Variants in DOP1B observed in about 807,000 individuals in gnomAD.
DOP1B encodes the protein DOP1 leucine zipper like protein B.
DOP1B carries 174 observed loss-of-function variants against 233.5 expected under a neutral mutation model. That is an observed-to-expected ratio of 0.75 (90% CI 0.66 to 0.85). DOP1B has a LOEUF of 0.85. Among genes scored for constraint, DOP1B ranks in the 40% least tolerant of loss-of-function variants. The pLI, the probability that DOP1B is intolerant of heterozygous loss-of-function variation, is 0.00. For synonymous variants in DOP1B, 1,190 were observed against 1,185.6 expected (o/e 1.00, Z -0.08); for missense variants, 2,652 against 2,846.6 (o/e 0.93, Z 1.56).
Position 36,246,375 on chromosome 21 carries a change from G to T in DOP1B, c.4395G>T (p.Gln1465His), listed in dbSNP as rs1228572965. The T allele has an allele frequency of 6.2e-7, 1 of 1,613,360 alleles. No individual in the cohort carries two copies. The highest frequency in any genetic ancestry group is 8.5e-7 in the Non-Finnish European group (1 of 1,179,870). The change falls in exon 19 of 37, where the codon CAG becomes CAT. Residue 1465 changes from glutamine (Q) to histidine (H), a missense_variant. Coordinates refer to ENST00000691173, the MANE Select transcript of DOP1B (RefSeq NM_001320714.2). The surrounding 1 kb of genome is among the most constrained non-coding windows in gnomAD (Gnocchi z 5.1). ...GGGCCCATGAGGAGGCGGAAAACCA[G>T]CCCGACCTGTCCCGGGAGTGGCAGA... is the stretch of plus-strand genomic sequence containing the variant. Reference protein sequence around the residue: ...LGRAHEEAENQPDLSREWQRA... With the variant: ...LGRAHEEAENHPDLSREWQRA...
intron 9 of DOP1B, among the ~76,000 whole-genome samples, chr21:36,218,011 T>G (rs2066581192): frequency 6.6e-6 from 1 of 152,184 alleles, no homozygotes; most frequent in African/African-American, 2.4e-5. Context: ...AACAGTCACT[T>G]AATTTACTCT....
chr21:36,241,685 C>T (rs1218716979), intron 18 of DOP1B, among the ~76,000 whole-genome samples: 66 of 104,734 alleles, frequency 6.3e-4, no homozygotes, highest in Admixed American at 3.3e-3. Flanking sequence ...ATTTTTTTTT[C>T]TTTCTTTCTT....
chr21:36,259,920 A>G (rs1601459200), intron 23 of DOP1B, among the ~76,000 whole-genome samples: 1 of 152,166 alleles, frequency 6.6e-6, no homozygotes, highest in African/African-American at 2.4e-5. Context: ...GGGGTAAAAT[A>G]TGTGTTTTAG....
intron 2 of DOP1B, among the ~76,000 whole-genome samples, chr21:36,170,938 T>C (rs990395477): frequency 2.2e-4 from 34 of 152,190 alleles, no homozygotes; most frequent in African/African-American, 8.2e-4. Flanking sequence ...CCTTGAAGAA[T>C]TTGCAAGATA....
In DOP1B at chr21:36,230,127, C is replaced by A. The variant is rs77265486; in HGVS notation, c.1666-323C>A. Among the ~76,000 whole-genome samples the A allele has an allele frequency of 6.2e-3, 945 of 152,198 alleles. 7 individuals carry two copies. Among genetic ancestry groups the A allele is most frequent in the African/African-American group, 0.021 (885 of 41,520 alleles). On this transcript the variant is annotated intron_variant, in intron 13 of 36. Transcript: ENST00000691173. ...CTGGGATTACAGGCTTGAGCCACCA[C>A]GCCTGGCAGAAACAATTCTTAAACA...
intron 2 of DOP1B, among the ~76,000 whole-genome samples, chr21:36,194,638 C>T (rs570197354): frequency 2.0e-5 from 3 of 152,030 alleles, no homozygotes; most frequent in Non-Finnish European, 4.4e-5. Flanking sequence ...AGGCGTGTGC[C>T]ACCACGCCTG....
chr21:36,189,771 G>A (rs2066209920), intron 2 of DOP1B, among the ~76,000 whole-genome samples: 1 of 152,084 alleles, frequency 6.6e-6, no homozygotes, highest in African/African-American at 2.4e-5. Context: ...AGCACTTTGG[G>A]AGGCTGAGAC....
Position 36,277,048 on chromosome 21 carries a change from C to A in DOP1B, c.5660C>A (p.Ser1887Tyr), listed in dbSNP as rs775534931. ...YDAAAASAMV[S>Y]SSAPSVYSVQ... ...GCTGCTGCAGCTTCAGCAATGGTGTCTTCATCCGCCCCGTCGGTGTACAGC... is the reference window on the plus strand; with the variant it reads ...GCTGCTGCAGCTTCAGCAATGGTGTATTCATCCGCCCCGTCGGTGTACAGC... Residue 1887 changes from serine (S) to tyrosine (Y), a missense_variant, in exon 28 of 37, where the codon TCT becomes TAT. Ser to Tyr is a moderately radical substitution (Grantham distance 144). Coordinates refer to ENST00000691173, the MANE Select transcript of DOP1B (RefSeq NM_001320714.2). 9.3e-6 allele frequency: 15 copies of A among 1,614,138 alleles called. No individual in the cohort carries two copies. Among genetic ancestry groups the A allele is most frequent in the Non-Finnish European group, 1.3e-5 (15 of 1,180,018 alleles).
intron 36 of DOP1B, among the ~76,000 whole-genome samples, chr21:36,292,655 A>C (rs1184437652): frequency 7.1e-6 from 1 of 141,016 alleles, no homozygotes; most frequent in Non-Finnish European, 1.5e-5. Flanking sequence ...TCTGTTGCCC[A>C]GACTGGAGTG....
At chr21:36,283,960 T>TTTTTTC (rs2067449671) in intron 32 of DOP1B, among the ~76,000 whole-genome samples, 2 of 141,238 alleles carry the variant, frequency 1.4e-5, no homozygotes, top group African/African-American at 5.3e-5. Context: ...TTTTTTTTTT[T>TTTTTTC]CCTTTGAGAT....
intron 32 of DOP1B, among the ~76,000 whole-genome samples, chr21:36,282,828 A>T (rs7282973): frequency 0.64 from 96,837 of 151,548 alleles, 31,403 homozygotes; most frequent in African/African-American, 0.75. Flanking sequence ...ATACAAAAAT[A>T]AGCCTGGTGT....
intron 26 of DOP1B, among the ~76,000 whole-genome samples, chr21:36,267,323 G>A (rs939433190): frequency 1.3e-5 from 2 of 152,164 alleles, no homozygotes; most frequent in African/African-American, 2.4e-5. Flanking sequence ...GGAAGAACCC[G>A]TGGTCCTAGA....
chr21:36,292,085 T>G lies in DOP1B; in HGVS notation c.6516-19T>G. On this transcript the variant is annotated intron_variant, in intron 35 of 36. Coordinates refer to ENST00000691173, the MANE Select transcript of DOP1B (RefSeq NM_001320714.2). ...AGGCCTCTTACCAGCAGACCTGACC[T>G]TCTGTTTGTTCCCTGCAGTTATAGG... 1 of 1,581,624 alleles carries G rather than the reference T, an allele frequency of 6.3e-7. No individual in the cohort carries two copies. Among genetic ancestry groups the G allele is most frequent in the Non-Finnish European group, 8.5e-7 (1 of 1,170,088 alleles).
At chr21:36,283,151 G>A (rs13050481) in intron 32 of DOP1B, among the ~76,000 whole-genome samples, 19 of 151,382 alleles carry the variant, frequency 1.3e-4, no homozygotes, top group Admixed American at 4.0e-4. Context: ...GCGCAGTCTC[G>A]CCTCATTGAA....
intron 12 of DOP1B, among the ~76,000 whole-genome samples, chr21:36,227,297 C>T (rs942647069): frequency 6.6e-6 from 1 of 151,698 alleles, no homozygotes; most frequent in South Asian, 2.1e-4. Context: ...CCTGTAATTC[C>T]AGCACTTTGG....
intron 9 of DOP1B, 73 bp downstream of exon 9, chr21:36,214,629 G>A (rs2066539804): frequency 4.7e-6 from 6 of 1,268,566 alleles, no homozygotes; most frequent in Middle Eastern, 1.8e-4. Flanking sequence ...ACAACATGGT[G>A]AGATACAACC....
chr21:36,251,496 T>G (rs1389279949), intron 22 of DOP1B, among the ~76,000 whole-genome samples: 1 of 152,222 alleles, frequency 6.6e-6, no homozygotes, highest in African/African-American at 2.4e-5. Flanking sequence ...CTTGGCTCAC[T>G]GCACCCTCCA....
In DOP1B at chr21:36,245,131, G is replaced by A. The variant is rs1316418324; in HGVS notation, c.3151G>A (p.Glu1051Lys). ...AVPEPQESGSEEHLPLSQFTT... is the reference protein window; with the variant it reads ...AVPEPQESGSKEHLPLSQFTT... ...GCCCGAGCCTCAGGAGAGCGGCTCT[G>A]AAGAGCACCTGCCTCTGAGCCAGTT... Residue 1051 changes from glutamate (E) to lysine (K), a missense_variant, in exon 19 of 37, where the codon GAA becomes AAA. Glu to Lys is a moderately conservative substitution (Grantham distance 56). This residue lies in a region of DOP1B where 2,617 missense variants were observed against 2,794.3 expected (regional missense o/e 0.94). Coordinates refer to ENST00000691173, the MANE Select transcript of DOP1B (RefSeq NM_001320714.2). This position sits in a 1 kb window ranked among gnomAD's most constrained non-coding sequence, Gnocchi z 5.5. 6.2e-7 allele frequency: 1 copy of A among 1,613,746 alleles called. No homozygotes were observed. Among genetic ancestry groups the A allele is most frequent in the African/African-American group, 1.3e-5 (1 of 74,936 alleles).
chr21:36,232,761 G>A lies in DOP1B; in HGVS notation c.2351-43G>A, dbSNP rs199578016. ...CTGCAGACTGGGGACCCATTCTCAC[G>A]TGGTTCTGCTTGTTTCTGCCTCTCC... On this transcript the variant is annotated intron_variant, in intron 14 of 36. Transcript: ENST00000691173. 5.2e-4 allele frequency: 840 copies of A among 1,609,104 alleles called. 1 individual carries two copies. Among genetic ancestry groups the A allele is most frequent in the Middle Eastern group, 2.3e-3 (10 of 4,438 alleles).
Sources: gnomAD v4.1 joint callset for allele counts (sites outside exome capture counted in the v4.1 genomes callset) on GRCh38, gnomAD v4.1.1 for gene constraint, gnomAD v4.1.1 regional missense constraint, Gnocchi (gnomAD v3.1) non-coding constraint, MANE v1.5 for transcripts, NCBI Gene and HGNC (gene_info 2026-07-23, HGNC 2026-07-21) for gene names.